SAMD13: variants seen among roughly 807,000 people sequenced by gnomAD.
The protein encoded by SAMD13 is sterile alpha motif domain-containing protein 13.
SAMD13 carries 9 observed loss-of-function variants against 12.4 expected under a neutral mutation model. The ratio of observed to expected loss-of-function variants is 0.72; its 90% confidence interval spans 0.44 to 1.26. SAMD13 has a LOEUF of 1.26. SAMD13 is among the 50% of genes most tolerant of loss of function. The pLI is 0.00. For synonymous variants in SAMD13, 46 were observed against 45.4 expected, an observed-to-expected ratio of 1.01 and a Z score of -0.05; for missense variants, 84 against 119.6, an observed-to-expected ratio of 0.70 and a Z score of 1.39.
Position 84,317,046 on chromosome 1 carries a change from A to G in SAMD13, c.54-8591A>G, listed in dbSNP as rs1245855141. ...AAATGCAACTGATTTTTCTATGTTG[A>G]TTTTTGTATCCTGCAACTTTGCTGA... On this transcript the variant is annotated intron_variant, in intron 2 of 3. Transcript: ENST00000394834. Among the ~76,000 whole-genome samples, 5 of 151,914 alleles carry G rather than the reference A, an allele frequency of 3.3e-5. No individual in the cohort carries two copies. In the East Asian group the frequency reaches 9.6e-4, roughly 29 times the overall value.
intron 2 of SAMD13, among the ~76,000 whole-genome samples, chr1:84,316,268 TG>T (rs1428113487): frequency 1.4e-5 from 2 of 147,888 alleles, no homozygotes; most frequent in African/African-American, 5.0e-5. Context: ...CTATGCTTTT[TG>T]GTGTCATATC....
At chr1:84,333,343 A>G (rs1037735562) in intron 3 of SAMD13, among the ~76,000 whole-genome samples, 7 of 152,208 alleles carry the variant, frequency 4.6e-5, no homozygotes, top group Admixed American at 3.9e-4. Context: ...ATCCAAGAGC[A>G]TGGAATGTTG....
Position 84,349,704 on chromosome 1 carries a change from C to A in SAMD13, c.239C>A (p.Pro80His), listed in dbSNP as rs772837934. ...VLTGLQLKLG[P>H]ALKIYEYHVK... is the part of the protein sequence containing the mutation. ...ACAGGACTTCAGTTAAAATTGGGGC[C>A]TGCTCTGAAAATCTACGAATATCAT... Residue 80 changes from proline (P) to histidine (H), a missense_variant, in exon 4 of 4, where the codon CCT becomes CAT. Physicochemically the swap from Pro to His is moderately conservative, Grantham distance 77. Coordinates refer to ENST00000394834, the MANE Select transcript of SAMD13 (RefSeq NM_001134663.2). 6.2e-7 allele frequency: 1 copy of A among 1,613,910 alleles called. No homozygotes were observed. Among genetic ancestry groups the A allele is most frequent in the South Asian group, 1.1e-5 (1 of 91,058 alleles).
upstream of SAMD13, chr1:84,298,601 A>C: frequency 7.8e-7 from 1 of 1,281,090 alleles, no homozygotes; most frequent in Non-Finnish European, 9.9e-7. Context: ...AGGGCGTGGG[A>C]AGGCGCCCGC....
intron 3 of SAMD13, among the ~76,000 whole-genome samples, chr1:84,340,964 A>G (rs1354841764): frequency 6.6e-6 from 1 of 152,232 alleles, no homozygotes. Flanking sequence ...GAACAAAAAT[A>G]TGGAGAAACG....
intron 3 of SAMD13, among the ~76,000 whole-genome samples, chr1:84,337,657 T>A (rs1393127083): frequency 2.0e-5 from 3 of 152,200 alleles, no homozygotes; most frequent in Non-Finnish European, 4.4e-5. Context: ...GGAGACATTT[T>A]CCCCATTGTC....
chr1:84,314,392 G>A (rs1678784739), intron 2 of SAMD13, among the ~76,000 whole-genome samples: 1 of 152,170 alleles, frequency 6.6e-6, no homozygotes, highest in African/African-American at 2.4e-5. Flanking sequence ...CTATGTGCAT[G>A]ATCACTGACT....
chr1:84,317,710 A>T (rs2101798751), intron 2 of SAMD13, among the ~76,000 whole-genome samples: 1 of 152,144 alleles, frequency 6.6e-6, no homozygotes, highest in Middle Eastern at 3.4e-3. Flanking sequence ...CTGACCTCAT[A>T]AAAAAAGTTC....
intron 2 of SAMD13, among the ~76,000 whole-genome samples, chr1:84,308,121 A>G (rs901654316): frequency 7.9e-5 from 12 of 152,226 alleles, no homozygotes; most frequent in Admixed American, 5.9e-4. Context: ...TACTGTCCCA[A>G]TGACCAATGT....
chr1:84,325,559 C>T (rs2101804804), intron 2 of SAMD13, 78 bp from the exon 3 acceptor site: 1 of 842,514 alleles, frequency 1.2e-6, no homozygotes, highest in Non-Finnish European at 2.0e-6. Flanking sequence ...AGGCCTGTCC[C>T]AGAAGACCCA....
At chr1:84,332,970 A>G (rs1296200020) in intron 3 of SAMD13, among the ~76,000 whole-genome samples, 1 of 152,174 alleles carries the variant, frequency 6.6e-6, no homozygotes, top group Non-Finnish European at 1.5e-5. Flanking sequence ...TCCCAGCACC[A>G]TTTGTTGAAT....
At chr1:84,300,519 T>C (rs150964427), upstream of SAMD13, among the ~76,000 whole-genome samples, 1 of 152,358 alleles carries the variant, frequency 6.6e-6, no homozygotes, top group African/African-American at 2.4e-5. Flanking sequence ...ACCTGAATTC[T>C]ACAGGATATT....
At chr1:84,326,310 A>G (rs1282015580) in intron 3 of SAMD13, among the ~76,000 whole-genome samples, 1 of 152,194 alleles carries the variant, frequency 6.6e-6, no homozygotes, top group Non-Finnish European at 1.5e-5. Flanking sequence ...TATCTATAAC[A>G]TCAGACTGTC....
intron 1 of SAMD13, chr1:84,302,941 T>C: frequency 3.2e-6 from 1 of 316,546 alleles, no homozygotes; most frequent in Non-Finnish European, 6.0e-6. Flanking sequence ...GCACTTGTTT[T>C]CAACGAGGAT....
intron 2 of SAMD13, among the ~76,000 whole-genome samples, chr1:84,314,950 T>TTCCC (rs1454397400): frequency 2.0e-5 from 3 of 151,816 alleles, no homozygotes; most frequent in African/African-American, 7.3e-5. Flanking sequence ...CCTTCCTTCC[T>TTCCC]TCCCTCCCTC....
intron 3 of SAMD13, among the ~76,000 whole-genome samples, chr1:84,349,389 A>G (rs925510271): frequency 7.9e-5 from 12 of 152,180 alleles, no homozygotes; most frequent in Non-Finnish European, 1.6e-4. Context: ...TTAAGATGTG[A>G]TGTTTGTGAT....
At chr1:84,331,612 C>T (rs1679187700) in intron 3 of SAMD13, among the ~76,000 whole-genome samples, 1 of 152,086 alleles carries the variant, frequency 6.6e-6, no homozygotes, top group Admixed American at 6.6e-5. Context: ...TCAATCTCTG[C>T]TGATGTGTCC....
intron 3 of SAMD13, among the ~76,000 whole-genome samples, chr1:84,332,703 A>C (rs1402430935): frequency 6.6e-6 from 1 of 151,866 alleles, no homozygotes; most frequent in Non-Finnish European, 1.5e-5. Context: ...GTTGATAGTT[A>C]TTTTGCTATG....
intron 1 of SAMD13, among the ~76,000 whole-genome samples, chr1:84,302,415 G>T (rs1484352881): frequency 6.7e-6 from 1 of 149,314 alleles, no homozygotes; most frequent in African/African-American, 2.5e-5. Flanking sequence ...ATTGTGGAAG[G>T]CTTTTAATTT....
Sources: gnomAD v4.1 joint callset for allele counts (sites outside exome capture counted in the v4.1 genomes callset) on GRCh38, gnomAD v4.1.1 for gene constraint, MANE v1.5 for transcripts, NCBI Gene and HGNC (gene_info 2026-07-23, HGNC 2026-07-21) for gene names.